Variants in TRANK1 observed in about 807,000 individuals in gnomAD.
The protein encoded by TRANK1 is tetratricopeptide repeat and ankyrin repeat containing 1, also known as TPR and ankyrin repeat-containing protein 1.
A neutral mutation model predicts 266.0 loss-of-function variants in TRANK1; 198 were observed. The observed-to-expected ratio is 0.74, with a 90% CI of 0.66 to 0.84. The LOEUF (loss-of-function observed/expected upper bound fraction) is 0.84. TRANK1 is among the 40% of genes least tolerant of loss of function. The pLI is 0.00. For synonymous variants in TRANK1, 1,396 were observed against 1,384.1 expected (o/e 1.01, Z -0.19); for missense variants, 3,326 against 3,634.6 (o/e 0.92, Z 2.18).
intron 5 of TRANK1, 145 bp downstream of exon 5, chr3:36,895,495 T>G (rs2079775603): frequency 1.9e-6 from 1 of 533,280 alleles, no homozygotes; most frequent in African/African-American, 1.9e-5. Flanking sequence ...CTCAAAGACT[T>G]TTCATCTTTA....
In TRANK1 at chr3:36,907,534, G is replaced by A. The variant is rs11928883; in HGVS notation, c.155+789C>T. On this transcript the variant is annotated intron_variant, in intron 2 of 23. Coordinates refer to ENST00000645898, the MANE Select transcript of TRANK1 (RefSeq NM_001329998.2). ...GGATGGAGTGCAGTGGCGTAATCTC[G>A]GCTCACTGCAAGCTCCACCTCCCGG... Among the ~76,000 whole-genome samples the A allele has an allele frequency of 3.2e-3, 460 of 142,948 alleles. 3 individuals carry two copies. The highest frequency in any genetic ancestry group is 0.011 in the African/African-American group (436 of 38,202). The allele number at this position is 142,948 out of a possible 152,430, so 93.8% of individuals were successfully genotyped here. A position where few individuals can be genotyped will look rare whatever the true frequency, so the allele number is the denominator to read the frequency against.
intron 9 of TRANK1, among the ~76,000 whole-genome samples, chr3:36,872,609 A>T (rs1465491959): frequency 6.6e-6 from 1 of 152,220 alleles, no homozygotes; most frequent in African/African-American, 2.4e-5. Flanking sequence ...CAAATTAAAA[A>T]ATGCAGCAAT....
At chr3:36,942,509 A>G (rs1441874984) in intron 1 of TRANK1, among the ~76,000 whole-genome samples, 1 of 147,262 alleles carries the variant, frequency 6.8e-6, no homozygotes, top group Non-Finnish European at 1.5e-5. Context: ...AAAAAAAAGA[A>G]CAGGAGCTAT....
intron 1 of TRANK1, 56 bp downstream of exon 1, chr3:36,944,731 G>T (rs919455171): frequency 6.7e-7 from 1 of 1,496,124 alleles, no homozygotes; most frequent in Non-Finnish European, 8.9e-7. Context: ...CCGCCAGGAA[G>T]GGTGGCGGGC....
chr3:36,901,657 T>C (rs2125622276), intron 3 of TRANK1, among the ~76,000 whole-genome samples: 1 of 152,326 alleles, frequency 6.6e-6, no homozygotes, highest in South Asian at 2.1e-4. Context: ...CCTCAGCCAC[T>C]GAACCAAAAG....
intron 1 of TRANK1, among the ~76,000 whole-genome samples, chr3:36,930,098 T>A (rs1421848553): frequency 1.3e-5 from 2 of 152,180 alleles, no homozygotes; most frequent in Non-Finnish European, 2.9e-5. Context: ...GGTCTCAAAC[T>A]CCTGATGTCA....
At chr3:36,870,882 C>T (rs995894429) in intron 9 of TRANK1, among the ~76,000 whole-genome samples, 11 of 142,260 alleles carry the variant, frequency 7.7e-5, no homozygotes, top group African/African-American at 1.6e-4. Context: ...AGAAGAGAAG[C>T]GAGAGCAAGA....
intron 1 of TRANK1, among the ~76,000 whole-genome samples, chr3:36,911,216 A>G (rs1295239279): frequency 6.6e-6 from 1 of 152,236 alleles, no homozygotes; most frequent in Non-Finnish European, 1.5e-5. Context: ...ATAGGCCTAT[A>G]AGGTTGAAAA....
At chr3:36,897,300 G>C (rs979819482) in intron 4 of TRANK1, among the ~76,000 whole-genome samples, 1 of 152,046 alleles carries the variant, frequency 6.6e-6, no homozygotes, top group African/African-American at 2.4e-5. Flanking sequence ...GCAAGACACC[G>C]TCTCAAAAAA....
chr3:36,886,129 GT>G (rs10563870), intron 8 of TRANK1, among the ~76,000 whole-genome samples: 1,022 of 100,946 alleles, frequency 0.01, 9 homozygotes, highest in African/African-American at 0.03. Flanking sequence ...TGTTGTTGTT[GT>G]TTTTTTTTTT....
At chr3:36,908,502 T>C in intron 1 of TRANK1, 48 bp from the exon 2 acceptor site, 2 of 1,232,194 alleles carry the variant, frequency 1.6e-6, no homozygotes, top group Non-Finnish European at 2.0e-6. Context: ...GTGCAGGGCA[T>C]GTTCACCTTC....
intron 1 of TRANK1, among the ~76,000 whole-genome samples, chr3:36,938,650 CA>C (rs2080456522): frequency 6.6e-6 from 1 of 151,938 alleles, no homozygotes; most frequent in African/African-American, 2.4e-5. Flanking sequence ...CCTCCAGAGT[CA>C]AAACTTCTAA....
intron 20 of TRANK1, among the ~76,000 whole-genome samples, chr3:36,837,050 G>A (rs1207053801): frequency 6.6e-6 from 1 of 152,144 alleles, no homozygotes; most frequent in Non-Finnish European, 1.5e-5. Flanking sequence ...CATTTCTTGT[G>A]GTCATCTCAC....
intron 1 of TRANK1, among the ~76,000 whole-genome samples, chr3:36,912,769 G>C (rs2080070506): frequency 6.6e-6 from 1 of 152,208 alleles, no homozygotes; most frequent in African/African-American, 2.4e-5. Flanking sequence ...TGGCAACACA[G>C]ATGGCCTATG....
intron 1 of TRANK1, among the ~76,000 whole-genome samples, chr3:36,916,278 C>A (rs1490505867): frequency 6.6e-6 from 1 of 152,074 alleles, no homozygotes; most frequent in Non-Finnish European, 1.5e-5. Context: ...TAACAAGATC[C>A]AATTTGGCCT....
intron 1 of TRANK1, among the ~76,000 whole-genome samples, chr3:36,927,611 G>C (rs543656916): frequency 6.6e-6 from 1 of 152,094 alleles, no homozygotes; most frequent in Non-Finnish European, 1.5e-5. Flanking sequence ...TAATAAATCT[G>C]CCCTTCTTCA....
chr3:36,928,881 T>C (rs1400725793), intron 1 of TRANK1, among the ~76,000 whole-genome samples: 1 of 152,130 alleles, frequency 6.6e-6, no homozygotes, highest in Non-Finnish European at 1.5e-5. Context: ...CCCATGTTAA[T>C]GAATTAATGT....
chr3:36,878,327 C>G (rs1360940262), intron 8 of TRANK1, among the ~76,000 whole-genome samples: 1 of 152,184 alleles, frequency 6.6e-6, no homozygotes, highest in African/African-American at 2.4e-5. Context: ...GTGGAAAAAT[C>G]GTCTTGCACA....
intron 9 of TRANK1, among the ~76,000 whole-genome samples, chr3:36,867,003 G>A (rs542132630): frequency 6.6e-6 from 1 of 152,226 alleles, no homozygotes; most frequent in East Asian, 1.9e-4. Flanking sequence ...ATCCACTATA[G>A]CATCATCCTC....
Sources: allele counts gnomAD v4.1 joint callset (sites outside exome capture counted in the v4.1 genomes callset), GRCh38; gene constraint gnomAD v4.1.1; transcripts MANE v1.5; gene names NCBI Gene and HGNC (gene_info 2026-07-23, HGNC 2026-07-21).